The following USP7 variants were observed in gnomAD, a reference collection of about 807,000 sequenced individuals.
USP7 encodes the protein ubiquitin C-terminal hydrolase 7.
In USP7, 9 loss-of-function variants were observed where a neutral mutation model predicts 162.9. That is an observed-to-expected ratio of 0.06 (90% CI 0.03 to 0.10). USP7 has a LOEUF of 0.10. Among genes scored for constraint, USP7 ranks in the 10% least tolerant of loss-of-function variants. The probability of loss-of-function intolerance (pLI) is 1.00; values close to 1 mark genes in which losing one functional copy is unlikely to be tolerated. For synonymous variants in USP7, 562 were observed against 475.9 expected, an observed-to-expected ratio of 1.18 and a Z score of -2.35; for missense variants, 715 against 1,373.7, an observed-to-expected ratio of 0.52 and a Z score of 7.58.
At chr16:8,902,277 C>A in intron 17 of USP7, 90 bp from the exon 18 acceptor site, 1 of 1,578,782 alleles carries the variant, frequency 6.3e-7, no homozygotes, top group Non-Finnish European at 8.7e-7. Context: ...AGAAAACGTC[C>A]AATTCTAGTT....
At chr16:8,937,925 C>A (rs947285342) in intron 1 of USP7, among the ~76,000 whole-genome samples, 1 of 152,088 alleles carries the variant, frequency 6.6e-6, no homozygotes, top group Admixed American at 6.6e-5. Flanking sequence ...ATACTGACCA[C>A]GTGAGAAGGA....
intron 25 of USP7, chr16:8,897,399 C>A: frequency 2.9e-6 from 1 of 348,152 alleles, no homozygotes; most frequent in South Asian, 4.4e-5. Context: ...CACCCAGGGC[C>A]TTCCCAACTC....
intron 16 of USP7, 66 bp from the exon 17 acceptor site, chr16:8,902,548 C>G: frequency 7.7e-7 from 1 of 1,294,024 alleles, no homozygotes; most frequent in Non-Finnish European, 1.1e-6. Flanking sequence ...CTATATTACA[C>G]ACACATATGT....
chr16:8,932,445 T>C (rs534773089), intron 1 of USP7, among the ~76,000 whole-genome samples: 1 of 152,248 alleles, frequency 6.6e-6, no homozygotes, highest in South Asian at 2.1e-4. Context: ...CATATACACA[T>C]ACTTCTAAAC....
intron 2 of USP7, among the ~76,000 whole-genome samples, chr16:8,927,490 T>G (rs189479956): frequency 6.6e-6 from 1 of 152,242 alleles, no homozygotes; most frequent in Non-Finnish European, 1.5e-5. Flanking sequence ...CACAAATTAG[T>G]TTCATGGAGA....
At position 8,894,774 on chromosome 16, in the gene USP7, A is replaced by G; in HGVS notation, c.3111+10T>C. ...GCCCGCCAAGCCCCCAGGAGGCCCCAGCTGCACACCTTCTCAAACTCCTTC... is the reference window on the plus strand; with the variant it reads ...GCCCGCCAAGCCCCCAGGAGGCCCCGGCTGCACACCTTCTCAAACTCCTTC... On this transcript the variant is annotated intron_variant, in intron 29 of 30. Transcript: ENST00000344836. The G allele has an allele frequency of 6.2e-7, 1 of 1,614,238 alleles. No homozygotes were observed. The highest frequency in any genetic ancestry group is 8.5e-7 in the Non-Finnish European group (1 of 1,180,040).
rs780224987 is a variant in USP7, at chr16:8,895,154, G to C, written c.2920-4C>G. On this transcript the variant is annotated splice_polypyrimidine_tract_variant and splice_region_variant and intron_variant, in intron 27 of 30. Transcript: ENST00000344836. The stretch of plus-strand genomic sequence containing the variant: ...CCACCTGGTCCAAAGGGATTTCCTG[G>C]GGACACGGACAACAGACACAGTTCT... 9 of 1,614,058 alleles carry C rather than the reference G, an allele frequency of 5.6e-6. No individual in the cohort carries two copies. In the South Asian group the frequency reaches 8.8e-5, roughly 16 times the overall value.
intron 12 of USP7, among the ~76,000 whole-genome samples, chr16:8,908,000 T>A (rs1366184515): frequency 6.6e-6 from 1 of 152,194 alleles, no homozygotes; most frequent in Non-Finnish European, 1.5e-5. Flanking sequence ...ATAACATTTA[T>A]AATCGGTCAA....
At chr16:8,924,336 C>T (rs2141217678) in intron 2 of USP7, among the ~76,000 whole-genome samples, 1 of 152,386 alleles carries the variant, frequency 6.6e-6, no homozygotes, top group Middle Eastern at 3.4e-3. Flanking sequence ...ATTGCCACAG[C>T]AAAGTCAACA....
rs148763840 is a variant in USP7 at position 8,917,661 on chromosome 16, G to C, written c.721-505C>G. Among the ~76,000 whole-genome samples, 690 of 152,292 alleles carry C rather than the reference G, an allele frequency of 4.5e-3. 5 individuals carry two copies. Among genetic ancestry groups the C allele is most frequent in the African/African-American group, 0.015 (621 of 41,544 alleles). ...CCCAAAGTGCTGGGATTATAGGCGA[G>C]AGCTACCGCACCCAGCCTCACCCAT... On this transcript the variant is annotated intron_variant, in intron 6 of 30. Transcript: ENST00000344836.
intron 6 of USP7, among the ~76,000 whole-genome samples, chr16:8,918,751 G>C (rs1011688401): frequency 2.0e-5 from 3 of 152,214 alleles, no homozygotes; most frequent in African/African-American, 7.2e-5. Flanking sequence ...AGAGGCTGCA[G>C]TGAGCCAAGG....
At chr16:8,958,497 T>G (rs1226769679) in intron 1 of USP7, among the ~76,000 whole-genome samples, 2 of 152,294 alleles carry the variant, frequency 1.3e-5, no homozygotes, top group South Asian at 4.1e-4. Flanking sequence ...TCAGGCAGGC[T>G]GGAAGCAGGA....
At chr16:8,908,810 A>G (rs1356153646) in intron 11 of USP7, among the ~76,000 whole-genome samples, 3 of 152,246 alleles carry the variant, frequency 2.0e-5, no homozygotes, top group African/African-American at 4.8e-5. Context: ...GAACCACAGA[A>G]AAATCATTAA....
intron 6 of USP7, among the ~76,000 whole-genome samples, chr16:8,917,530 C>T (rs1204099489): frequency 6.6e-6 from 1 of 152,040 alleles, no homozygotes; most frequent in Non-Finnish European, 1.5e-5. Context: ...AGGCACGCAC[C>T]ACCACGCCAG....
rs1363851582 is a variant in USP7 at position 8,892,630 on chromosome 16, G to C, written c.*1368C>G. 1.2e-5 allele frequency: 1 copy of C among 84,290 alleles called. No homozygotes were observed. The highest frequency in any genetic ancestry group is 2.5e-5 in the Non-Finnish European group (1 of 39,552). 5.2% of individuals were successfully genotyped at this position (84,290 alleles called of 1,614,324 possible). A position where few individuals can be genotyped will look rare whatever the true frequency, so the allele number is the denominator to read the frequency against. On this transcript the variant is annotated 3_prime_UTR_variant, in exon 31 of 31. Transcript: ENST00000344836. ...CTAAAAAAAAAAAAAAAAAAAAAAA[G>C]AAACAAGAGACCCTGCCCCCGCAAA...
chr16:8,955,415 A>G (rs1483011126), intron 1 of USP7, among the ~76,000 whole-genome samples: 1 of 151,136 alleles, frequency 6.6e-6, no homozygotes, highest in African/African-American at 2.4e-5. Context: ...CAGGCTCACA[A>G]GCTTGTTTTA....
intron 1 of USP7, among the ~76,000 whole-genome samples, chr16:8,939,051 C>A (rs935368561): frequency 1.3e-5 from 2 of 152,190 alleles, no homozygotes; most frequent in African/African-American, 4.8e-5. Flanking sequence ...TGCAAAACTA[C>A]CCTGCCTGCA....
At chr16:8,919,182 C>G (rs1048649625) in intron 5 of USP7, 43 bp from the exon 6 acceptor site, 1 of 1,580,308 alleles carries the variant, frequency 6.3e-7, no homozygotes, top group Admixed American at 1.7e-5. Flanking sequence ...GCAGATACCC[C>G]ATTGCTCCTG....
In USP7 at chr16:8,897,606, T is replaced by TA. The variant is rs2061703153; in HGVS notation, c.2719-508dup. ...TTTTTGAAGAACCACCTAATGCCTG[T>TA]AATGCCAACACTCTGGGAGGCTGAG... is the stretch of plus-strand genomic sequence containing the variant. On this transcript the variant is annotated intron_variant, in intron 25 of 30. Coordinates refer to ENST00000344836, the MANE Select transcript of USP7 (RefSeq NM_003470.3). Among the ~76,000 whole-genome samples, 3 of 145,804 alleles carry TA rather than the reference T, an allele frequency of 2.1e-5. No individual in the cohort carries two copies. The South Asian group carries it at 6.6e-4, about 32-fold the overall frequency.
Sources: allele counts gnomAD v4.1 joint callset (sites outside exome capture counted in the v4.1 genomes callset), GRCh38; gene constraint gnomAD v4.1.1; transcripts MANE v1.5; gene names NCBI Gene and HGNC (gene_info 2026-07-23, HGNC 2026-07-21).